Variants in TAF3 observed in about 807,000 individuals in gnomAD.
The protein encoded by TAF3 is TATA-box binding protein associated factor 3, also known as transcription initiation factor TFIID subunit 3.
TAF3 carries 7 observed loss-of-function variants against 80.6 expected under a neutral mutation model. The observed-to-expected ratio is 0.09, with a 90% CI of 0.05 to 0.16. TAF3 has a LOEUF of 0.16. Ranked by LOEUF, TAF3 falls within the 10% of genes least tolerant of loss-of-function variation. TAF3 has a pLI of 1.00. For synonymous variants in TAF3, 444 were observed against 446.1 expected, an observed-to-expected ratio of 1.00 and a Z score of 0.06; for missense variants, 921 against 1,140.2, an observed-to-expected ratio of 0.81 and a Z score of 2.77.
At chr10:7,974,857 C>T (rs901578597) in intron 3 of TAF3, among the ~76,000 whole-genome samples, 3 of 151,898 alleles carry the variant, frequency 2.0e-5, no homozygotes, top group East Asian at 3.9e-4. Flanking sequence ...GGGCGGATCA[C>T]GAGGTCAGGA....
chr10:7,987,106 G>C (rs552290582), intron 4 of TAF3, among the ~76,000 whole-genome samples: 2 of 152,192 alleles, frequency 1.3e-5, no homozygotes, highest in South Asian at 4.2e-4. Flanking sequence ...CAGATCACTT[G>C]AGCCCAGGAG....
At chr10:8,002,541 A>G (rs1588346548) in intron 4 of TAF3, among the ~76,000 whole-genome samples, 2 of 152,326 alleles carry the variant, frequency 1.3e-5, no homozygotes, top group South Asian at 2.1e-4. Flanking sequence ...TTGAGGAACT[A>G]CTGATAGAGC....
At chr10:7,869,484 C>G (rs954341006) in intron 2 of TAF3, among the ~76,000 whole-genome samples, 11 of 152,208 alleles carry the variant, frequency 7.2e-5, no homozygotes, top group African/African-American at 2.7e-4. Context: ...CATAGTGTTG[C>G]ATTACCTGTG....
intron 2 of TAF3, among the ~76,000 whole-genome samples, chr10:7,864,553 A>G (rs1449962554): frequency 2.0e-5 from 3 of 152,214 alleles, no homozygotes; most frequent in Non-Finnish European, 4.4e-5. Context: ...ATCTAAGCGT[A>G]ATAATGTGTC....
intron 2 of TAF3, among the ~76,000 whole-genome samples, chr10:7,917,889 G>A (rs1837726402): frequency 6.6e-6 from 1 of 152,336 alleles, no homozygotes; most frequent in South Asian, 2.1e-4. Flanking sequence ...TGAGTGTATG[G>A]TTGGGGCAAA....
chr10:7,977,269 C>G lies in TAF3; in HGVS notation c.2261C>G (p.Pro754Arg). ...AAAGTGGAACCAGTCGCTCTGGCCC[C>G]GAGTCCAGTTATCCCCAGATTAACT... ...KIKVEPVALA[P>R]SPVIPRLTLR... Residue 754 changes from proline (P) to arginine (R), a missense_variant, in exon 4 of 7, where the codon CCG (proline) becomes CGG (arginine). By Grantham distance (103) the Pro-to-Arg change is moderately radical (BLOSUM62 -2). This residue lies in a region of TAF3 where 743 missense variants were observed against 821.0 expected (regional missense o/e 0.90). Transcript: ENST00000344293. 1 of 1,614,156 alleles carries G rather than the reference C, an allele frequency of 6.2e-7. No individual in the cohort carries two copies. The highest frequency in any genetic ancestry group is 1.7e-5 in the Admixed American group (1 of 60,018).
In TAF3 at chr10:8,014,973, A is replaced by T; in HGVS notation, c.*222A>T. On this transcript the variant is annotated 3_prime_UTR_variant, in exon 7 of 7. Coordinates refer to ENST00000344293, the MANE Select transcript of TAF3 (RefSeq NM_031923.4). ...CAGTGCGACAGAAGGAAACTCAAGC[A>T]GAGGCGTGGCCTGGGGGCTGCCCCT... 4.7e-6 allele frequency: 2 copies of T among 425,038 alleles called. No homozygotes were observed. The highest frequency in any genetic ancestry group is 8.6e-6 in the Non-Finnish European group (2 of 232,678). The allele number at this position is 425,038 out of a possible 1,614,324, so 26.3% of individuals were successfully genotyped here.
intron 4 of TAF3, among the ~76,000 whole-genome samples, chr10:7,993,457 G>A (rs796272253): frequency 9.2e-5 from 14 of 152,304 alleles, no homozygotes; most frequent in African/African-American, 3.1e-4. Flanking sequence ...GAGATTATAG[G>A]CGTGAGCCAC....
chr10:7,993,289 C>T (rs1298672771), intron 4 of TAF3, among the ~76,000 whole-genome samples: 3 of 152,196 alleles, frequency 2.0e-5, no homozygotes, highest in African/African-American at 7.2e-5. Flanking sequence ...AGCCATCCTC[C>T]CACCTCAGCC....
At chr10:8,013,624 T>C (rs934375054) in intron 5 of TAF3, 107 bp from the exon 6 acceptor site, 4 of 779,770 alleles carry the variant, frequency 5.1e-6, no homozygotes, top group Non-Finnish European at 8.5e-6. Context: ...TAGTTTAATA[T>C]GCCTGTTTAT....
intron 2 of TAF3, among the ~76,000 whole-genome samples, chr10:7,880,382 A>G (rs1837349097): frequency 6.6e-6 from 1 of 152,222 alleles, no homozygotes; most frequent in South Asian, 2.1e-4. Flanking sequence ...ATCACTTGTT[A>G]TGAGATTTAA....
At chr10:7,828,318 G>A (rs934914119) in intron 2 of TAF3, among the ~76,000 whole-genome samples, 7 of 152,222 alleles carry the variant, frequency 4.6e-5, no homozygotes, top group Non-Finnish European at 7.3e-5. Flanking sequence ...AGACTTACTA[G>A]CTGGGCTGGA....
chr10:8,005,483 G>A (rs896902559), intron 4 of TAF3, among the ~76,000 whole-genome samples: 4 of 152,210 alleles, frequency 2.6e-5, no homozygotes, highest in Non-Finnish European at 5.9e-5. Flanking sequence ...TACCTTATGG[G>A]TATAGCCCAT....
rs114624877 is a variant in TAF3 at position 7,865,040 on chromosome 10, G to A, written c.409+40480G>A. ...ATGGGAGAAGCTTGGTAGAAATGCC[G>A]GTGGATTTGTGGATAGAGTGATGGG... is the stretch of plus-strand genomic sequence containing the variant. On this transcript the variant is annotated intron_variant, in intron 2 of 6. Transcript: ENST00000344293. Among the ~76,000 whole-genome samples, 629 of 152,232 alleles carry A rather than the reference G, an allele frequency of 4.1e-3. 5 individuals are homozygous for A. The highest frequency in any genetic ancestry group is 0.014 in the African/African-American group (568 of 41,540).
chr10:7,980,962 CAAGAA>C (rs961693389), intron 4 of TAF3, among the ~76,000 whole-genome samples: 24 of 151,992 alleles, frequency 1.6e-4, no homozygotes, highest in African/African-American at 5.3e-4. Flanking sequence ...TCATTTCTGT[CAAGAA>C]AATAGGAGCA....
At chr10:8,006,553 TAA>T (rs1289363581) in intron 4 of TAF3, among the ~76,000 whole-genome samples, 1 of 152,266 alleles carries the variant, frequency 6.6e-6, no homozygotes, top group Admixed American at 6.5e-5. Context: ...AAGCCTGTGC[TAA>T]AGTCTCTTGA....
chr10:7,944,217 C>A (rs1838003521), intron 2 of TAF3, among the ~76,000 whole-genome samples: 1 of 150,382 alleles, frequency 6.6e-6, no homozygotes, highest in Non-Finnish European at 1.5e-5. Context: ...CTACTTACTG[C>A]GTTGGATAAA....
chr10:7,837,341 C>CAAAAA lies in TAF3; in HGVS notation c.409+12793_409+12797dup, dbSNP rs79016748. Reference sequence around the variant, plus strand: ...TTGCACCACTGTGCTCCAGTCTGGGCAAAAAAAAAAAAAAAAGTCAGCTGG... The same window carrying CAAAAA: ...TTGCACCACTGTGCTCCAGTCTGGGCAAAAAAAAAAAAAAAAAAAAAGTCAGCTGG... On this transcript the variant is annotated intron_variant, in intron 2 of 6. Coordinates refer to ENST00000344293, the MANE Select transcript of TAF3 (RefSeq NM_031923.4). 4.1e-3 allele frequency among the ~76,000 whole-genome samples: 366 copies of CAAAAA among 90,024 alleles called. 8 individuals carry two copies. Among genetic ancestry groups the CAAAAA allele is most frequent in the Non-Finnish European group, 4.6e-3 (206 of 44,442 alleles). The allele number at this position is 90,024 out of a possible 152,430, so 59.1% of individuals were successfully genotyped here.
intron 2 of TAF3, among the ~76,000 whole-genome samples, chr10:7,912,389 T>C (rs1837664902): frequency 6.6e-6 from 1 of 152,202 alleles, no homozygotes; most frequent in African/African-American, 2.4e-5. Context: ...CATGAGCCAC[T>C]GAGCCTGGCC....
Sources: allele counts gnomAD v4.1 joint callset (sites outside exome capture counted in the v4.1 genomes callset), GRCh38; gene constraint gnomAD v4.1.1; regional missense constraint gnomAD v4.1.1; transcripts MANE v1.5; gene names NCBI Gene and HGNC (gene_info 2026-07-23, HGNC 2026-07-21).